The following BANP variants were observed in gnomAD, a reference collection of about 807,000 sequenced individuals.
BANP encodes the protein protein BANP.
A neutral mutation model predicts 68.1 loss-of-function variants in BANP; 11 were observed. The ratio of observed to expected loss-of-function variants is 0.16; its 90% CI spans 0.10 to 0.27. BANP has a LOEUF of 0.27. Ranked by LOEUF, BANP falls within the 10% of genes least tolerant of loss-of-function variation. The pLI, the probability that BANP is intolerant of heterozygous loss-of-function variation, is 1.00. For missense variants in BANP, 504 were observed against 722.7 expected (o/e 0.70, Z 3.47); for synonymous variants, 329 against 303.2 (o/e 1.09, Z -0.88).
intron 6 of BANP, among the ~76,000 whole-genome samples, chr16:88,010,955 A>G (rs954493527): frequency 1.1e-4 from 10 of 89,226 alleles, no homozygotes; most frequent in African/African-American, 2.9e-4. Flanking sequence ...TGTTTTTAAC[A>G]TAAGTGCTGT....
Position 87,957,675 on chromosome 16 carries a change from G to C in BANP, c.-69+6160G>C, listed in dbSNP as rs978157493. Among the ~76,000 whole-genome samples the C allele has an allele frequency of 6.6e-6, 1 of 152,268 alleles. No homozygotes were observed. The highest frequency in any genetic ancestry group is 2.4e-5 in the African/African-American group (1 of 41,480). On this transcript the variant is annotated intron_variant, in intron 1 of 13. Transcript: ENST00000682872. The surrounding 1 kb of genome is among the most constrained non-coding windows in gnomAD (Gnocchi z 4.3). ...GAAGCAAAGCTTAATCTTTCTGAAA[G>C]TAGAAACGCGTTTGGATGGAGCCGG...
At chr16:88,043,159 A>T (rs2081220912) in intron 11 of BANP, among the ~76,000 whole-genome samples, 1 of 152,138 alleles carries the variant, frequency 6.6e-6, no homozygotes, top group African/African-American at 2.4e-5. Context: ...CCGCATCCTC[A>T]TCATGCACCT....
intron 1 of BANP, among the ~76,000 whole-genome samples, chr16:87,960,537 A>G (rs61553703): frequency 0.021 from 3,173 of 152,314 alleles, 105 homozygotes; most frequent in African/African-American, 0.072. Flanking sequence ...TGGCAGAGAT[A>G]GCATAGGGAG....
rs1358216246 is a variant in BANP, at chr16:88,036,673, C to T, written c.1272+1279C>T. Reference sequence around the variant, plus strand: ...AACGAATTCATGTGGGGGCCGTGAGCGACTGGGAATGAGTGGGCTCATCCA... The same window carrying T: ...AACGAATTCATGTGGGGGCCGTGAGTGACTGGGAATGAGTGGGCTCATCCA... On this transcript the variant is annotated intron_variant, in intron 10 of 13. Transcript: ENST00000682872. The surrounding 1 kb of genome is among the most constrained non-coding windows in gnomAD (Gnocchi z 4.2). Among the ~76,000 whole-genome samples the T allele has an allele frequency of 4.6e-5, 7 of 152,066 alleles. No individual in the cohort carries two copies. The highest frequency in any genetic ancestry group is 1.9e-4 in the East Asian group (1 of 5,192).
At chr16:88,042,523 G>A (rs1460527013) in intron 11 of BANP, among the ~76,000 whole-genome samples, 1 of 152,248 alleles carries the variant, frequency 6.6e-6, no homozygotes, top group Non-Finnish European at 1.5e-5. Context: ...ACCTCTAGGT[G>A]CACATGCTGT....
At chr16:88,050,389 T>G (rs1457883075) in intron 11 of BANP, among the ~76,000 whole-genome samples, 1 of 152,144 alleles carries the variant, frequency 6.6e-6, no homozygotes, top group Non-Finnish European at 1.5e-5. Flanking sequence ...CTCCCGGGCT[T>G]AAGGAGTCCA....
intron 3 of BANP, 120 bp downstream of exon 3, chr16:87,981,247 A>T: frequency 1.3e-6 from 1 of 750,158 alleles, no homozygotes; most frequent in Non-Finnish European, 2.3e-6. Flanking sequence ...GAGGCCAGAG[A>T]TCCAAAATCA....
chr16:88,020,414 G>A (rs1256595330), intron 7 of BANP, among the ~76,000 whole-genome samples: 4 of 152,242 alleles, frequency 2.6e-5, no homozygotes, highest in Admixed American at 6.5e-5. Context: ...CTTGAAACCC[G>A]GGGGTTGCTT....
intron 8 of BANP, among the ~76,000 whole-genome samples, 175 bp downstream of exon 8, chr16:88,027,825 C>T (rs570256476): frequency 2.2e-4 from 33 of 152,368 alleles, no homozygotes; most frequent in African/African-American, 7.9e-4. Flanking sequence ...TGCCTGGCCC[C>T]GTGCGCCCTT....
chr16:87,994,378 G>C (rs112387010), intron 4 of BANP, among the ~76,000 whole-genome samples: 5,909 of 152,354 alleles, frequency 0.039, 215 homozygotes, highest in Non-Finnish European at 0.051. Context: ...CACAAGCATG[G>C]CTCCTTGGGG....
At position 88,046,746 on chromosome 16, in the gene BANP, C is replaced by T. The variant is rs111331693; in HGVS notation, c.1311+8735C>T. 5.4e-3 allele frequency among the ~76,000 whole-genome samples: 816 copies of T among 151,986 alleles called. 10 individuals carry two copies. The highest frequency in any genetic ancestry group is 0.019 in the African/African-American group (772 of 41,446). The stretch of plus-strand genomic sequence containing the variant: ...TATTTTTAGTAGACACGGGGTTTCA[C>T]CGTGTTGTGTTTGTGTTCTTTAAAA... On this transcript the variant is annotated intron_variant, in intron 11 of 13. Coordinates refer to ENST00000682872, the MANE Select transcript of BANP (RefSeq NM_001386991.1).
At chr16:88,011,198 G>A (rs904255359) in intron 6 of BANP, among the ~76,000 whole-genome samples, 3 of 152,208 alleles carry the variant, frequency 2.0e-5, no homozygotes, top group African/African-American at 7.2e-5. Context: ...TACACAGCCT[G>A]TGCCCCGGGA....
At chr16:88,033,003 C>T in intron 8 of BANP, 106 bp from the exon 9 acceptor site, 7 of 1,251,904 alleles carry the variant, frequency 5.6e-6, no homozygotes, top group Non-Finnish European at 7.6e-6. Flanking sequence ...ATTTCCTCTT[C>T]TCTGCTGTGG....
rs567087722 is a variant in BANP at position 87,962,138 on chromosome 16, G to T, written c.-69+10623G>T. ...GCCTGTAATCCCAGCTACTCTGGAG[G>T]CTGAGGCAGGAGAATCACTTGAACC... On this transcript the variant is annotated intron_variant, in intron 1 of 13. Transcript: ENST00000682872. Among the ~76,000 whole-genome samples, 8 of 151,418 alleles carry T rather than the reference G, an allele frequency of 5.3e-5. No homozygotes were observed. In the South Asian group the frequency reaches 1.0e-3, roughly 20 times the overall value.
In BANP at chr16:88,076,910, G is replaced by C. The variant is rs2091709685; in HGVS notation, c.*249G>C. The C allele has an allele frequency of 2.0e-6, 1 of 496,174 alleles. No individual in the cohort carries two copies. 30.7% of individuals were successfully genotyped at this position (496,174 alleles called of 1,614,324 possible). ...GGAGCACGAGGGGAGGCACGGTGCG[G>C]AGAGCGTCGCATATGCGCGGGAAAT... On this transcript the variant is annotated 3_prime_UTR_variant, in exon 14 of 14. Transcript: ENST00000682872.
At chr16:88,041,597 C>G (rs1282359425) in intron 11 of BANP, among the ~76,000 whole-genome samples, 3 of 152,248 alleles carry the variant, frequency 2.0e-5, no homozygotes, top group African/African-American at 2.4e-5. Context: ...GTCTCACGCT[C>G]TTTCTGCCAT....
chr16:87,957,669 C>T lies in BANP; in HGVS notation c.-69+6154C>T, dbSNP rs542878395. 2.6e-5 allele frequency among the ~76,000 whole-genome samples: 4 copies of T among 152,356 alleles called. No homozygotes were observed. The East Asian group carries it at 5.8e-4, about 22-fold the overall frequency. On this transcript the variant is annotated intron_variant, in intron 1 of 13. Transcript: ENST00000682872. This position sits in a 1 kb window ranked among gnomAD's most constrained non-coding sequence, Gnocchi z 4.3. ...TATCTGGAAGCAAAGCTTAATCTTT[C>T]TGAAAGTAGAAACGCGTTTGGATGG...
chr16:87,968,251 A>AGGCCTATAATCCCAGCACTTTG (rs2060455027), intron 1 of BANP, among the ~76,000 whole-genome samples: 3 of 150,896 alleles, frequency 2.0e-5, no homozygotes, highest in Non-Finnish European at 4.4e-5. Context: ...TGGGAGACCG[A>AGGCCTATAATCCCAGCACTTTG]GGTGGGTGGA....
intron 1 of BANP, among the ~76,000 whole-genome samples, chr16:87,967,254 C>CTTTTTTTTTTTT (rs573550962): frequency 9.3e-6 from 1 of 106,992 alleles, no homozygotes; most frequent in Non-Finnish European, 1.9e-5. Flanking sequence ...GGAAAAGGTT[C>CTTTTTTTTTTTT]TTTTTTTTTT....
Sources: gnomAD v4.1 joint callset for allele counts (sites outside exome capture counted in the v4.1 genomes callset) on GRCh38, gnomAD v4.1.1 for gene constraint, Gnocchi (gnomAD v3.1) non-coding constraint, MANE v1.5 for transcripts, NCBI Gene and HGNC (gene_info 2026-07-23, HGNC 2026-07-21) for gene names.